ZMYND8: variants seen among roughly 807,000 people sequenced by gnomAD.
ZMYND8 encodes the protein MYND-type zinc finger-containing chromatin reader ZMYND8.
Under a neutral mutation model 140.8 loss-of-function variants are expected in ZMYND8, and 37 were observed. That is an observed-to-expected ratio of 0.26 (90% CI 0.20 to 0.35). ZMYND8 has a LOEUF of 0.35. ZMYND8 is among the 10% of genes least tolerant of loss of function. The pLI is 1.00. For synonymous variants in ZMYND8, 592 were observed against 597.1 expected (o/e 0.99, Z 0.12); for missense variants, 1,068 against 1,570.0 (o/e 0.68, Z 5.40).
chr20:47,348,032 T>C, intron 1 of ZMYND8, 106 bp from the exon 2 acceptor site: 1 of 1,070,586 alleles, frequency 9.3e-7, no homozygotes, highest in Non-Finnish European at 1.4e-6. Flanking sequence ...AGACATTCCC[T>C]CATCCTTATC....
chr20:47,214,218 G>C (rs999079877), intron 21 of ZMYND8, among the ~76,000 whole-genome samples: 2 of 152,230 alleles, frequency 1.3e-5, no homozygotes, highest in Non-Finnish European at 2.9e-5. Flanking sequence ...GAATTAATTA[G>C]AAGGGGATCA....
chr20:47,238,572 TA>T (rs2039542372), intron 15 of ZMYND8, 185 bp downstream of exon 15: 2 of 1,182,256 alleles, frequency 1.7e-6, no homozygotes, highest in African/African-American at 1.6e-5. Flanking sequence ...TTTTTGAAAG[TA>T]AAAAAGCAAG....
intron 2 of ZMYND8, among the ~76,000 whole-genome samples, chr20:47,327,925 C>A (rs761902023): frequency 6.6e-6 from 1 of 152,180 alleles, no homozygotes; most frequent in Non-Finnish European, 1.5e-5. Flanking sequence ...AGTGATCCTC[C>A]GGCCTCAGCC....
intron 16 of ZMYND8, 135 bp downstream of exon 16, chr20:47,236,189 TTC>T (rs2039208129): frequency 3.0e-6 from 3 of 991,174 alleles, no homozygotes; most frequent in East Asian, 2.5e-5. Flanking sequence ...GTCTTGGAGA[TTC>T]TGTTTTTAAA....
intron 2 of ZMYND8, among the ~76,000 whole-genome samples, chr20:47,321,579 G>T (rs544095267): frequency 4.5e-4 from 68 of 152,202 alleles, no homozygotes; most frequent in Non-Finnish European, 7.5e-4. Flanking sequence ...ACCCACAGAG[G>T]TGCATGTATT....
intron 4 of ZMYND8, among the ~76,000 whole-genome samples, chr20:47,297,432 C>CT (rs1020040574): frequency 1.4e-5 from 2 of 145,552 alleles, no homozygotes; most frequent in Non-Finnish European, 3.0e-5. Context: ...TTTTTTTTTT[C>CT]TTTTTTTGAG....
In ZMYND8 at chr20:47,356,425, A is replaced by G. The variant is rs188200532; in HGVS notation, c.14+232T>C. The stretch of plus-strand genomic sequence containing the variant: ...TTCCAGAAACACCATGCCCTGGTGG[A>G]AGGAAAGGTGTGCCAGGCCCTTGCC... On this transcript the variant is annotated intron_variant, in intron 1 of 22. Transcript: ENST00000471951. 6.2e-3 allele frequency: 9,611 copies of G among 1,537,864 alleles called. 39 individuals carry two copies. The highest frequency in any genetic ancestry group is 7.7e-3 in the Non-Finnish European group (8,836 of 1,147,746).
At chr20:47,262,559 G>A (rs540971413) in intron 11 of ZMYND8, 131 bp from the exon 12 acceptor site, 13 of 1,256,490 alleles carry the variant, frequency 1.0e-5, no homozygotes, top group African/African-American at 6.0e-5. Context: ...ACAGTATCAC[G>A]AATGGGGTGG....
intron 12 of ZMYND8, among the ~76,000 whole-genome samples, chr20:47,255,716 A>ATGTGTGTGTG (rs1256666818): frequency 3.5e-5 from 1 of 28,694 alleles, no homozygotes; most frequent in African/African-American, 1.8e-4. Flanking sequence ...TATACCGTGT[A>ATGTGTGTGTG]TGTGTGTATA....
At chr20:47,244,171 T>C (rs560488621) in intron 14 of ZMYND8, among the ~76,000 whole-genome samples, 7 of 152,296 alleles carry the variant, frequency 4.6e-5, no homozygotes, top group African/African-American at 1.4e-4. Context: ...CACCAGACAA[T>C]GGAAACCCCA....
intron 14 of ZMYND8, 28 bp downstream of exon 14, chr20:47,245,979 GA>G: frequency 1.3e-6 from 2 of 1,544,668 alleles, no homozygotes; most frequent in Non-Finnish European, 8.7e-7. Flanking sequence ...ACCAAATTAA[GA>G]AAACTGGAAA....
chr20:47,341,437 G>C (rs180829272), intron 2 of ZMYND8, among the ~76,000 whole-genome samples: 1 of 149,608 alleles, frequency 6.7e-6, no homozygotes, highest in African/African-American at 2.5e-5. Flanking sequence ...TGGGGCAGAA[G>C]AATTGCTTGA....
chr20:47,313,128 G>T (rs951045718), intron 2 of ZMYND8, among the ~76,000 whole-genome samples: 1 of 151,918 alleles, frequency 6.6e-6, no homozygotes, highest in African/African-American at 2.4e-5. Flanking sequence ...ACTTTGAGAG[G>T]CCGAGGGGGA....
At chr20:47,263,720 C>T (rs1055164311) in intron 11 of ZMYND8, among the ~76,000 whole-genome samples, 15 of 152,188 alleles carry the variant, frequency 9.9e-5, no homozygotes, top group Admixed American at 9.8e-4. Context: ...CTCCCTCTTC[C>T]TGGCAGCAGC....
intron 16 of ZMYND8, among the ~76,000 whole-genome samples, chr20:47,230,904 T>G (rs560686028): frequency 6.6e-6 from 1 of 152,252 alleles, no homozygotes; most frequent in East Asian, 1.9e-4. Context: ...CTCTCCACAT[T>G]TGCTCAGTCT....
At position 47,224,501 on chromosome 20, in the gene ZMYND8, G is replaced by A. The variant is rs1221692469; in HGVS notation, c.3072C>T (p.Ile1024=). 5.0e-6 allele frequency: 8 copies of A among 1,614,058 alleles called. No individual in the cohort carries two copies. Among genetic ancestry groups the A allele is most frequent in the Middle Eastern group, 3.3e-4 (2 of 6,084 alleles). The change falls in exon 19 of 23, where the codon ATC becomes ATT. Residue 1024 remains isoleucine, a synonymous_variant. Coordinates refer to ENST00000471951, the MANE Select transcript of ZMYND8 (RefSeq NM_001281775.3). ...QSLEQERDRL[I]AEVKKQLELE... ...ACTCCAGCTGCTTCTTCACCTCGGCGATGAGCCGGTCCCGCTCCTGCTCCA... is the reference window on the plus strand; with the variant it reads ...ACTCCAGCTGCTTCTTCACCTCGGCAATGAGCCGGTCCCGCTCCTGCTCCA...
intron 1 of ZMYND8, among the ~76,000 whole-genome samples, chr20:47,352,181 G>A (rs1290004300): frequency 6.6e-6 from 1 of 152,164 alleles, no homozygotes; most frequent in Non-Finnish European, 1.5e-5. Context: ...AGGAAGCCCG[G>A]TCCCCCTTCT....
intron 11 of ZMYND8, among the ~76,000 whole-genome samples, chr20:47,267,059 C>T (rs1242514483): frequency 2.0e-5 from 3 of 152,100 alleles, no homozygotes; most frequent in Non-Finnish European, 4.4e-5. Context: ...CGTTACCGAG[C>T]CATAAAAGGA....
intron 12 of ZMYND8, among the ~76,000 whole-genome samples, chr20:47,255,043 C>A (rs1458054832): frequency 6.6e-6 from 1 of 152,080 alleles, no homozygotes; most frequent in Non-Finnish European, 1.5e-5. Flanking sequence ...ACTCAGGAGG[C>A]GGAGTCAGGC....
Sources: gnomAD v4.1 joint callset for allele counts (sites outside exome capture counted in the v4.1 genomes callset) on GRCh38, gnomAD v4.1.1 for gene constraint, MANE v1.5 for transcripts, NCBI Gene and HGNC (gene_info 2026-07-23, HGNC 2026-07-21) for gene names.